The following AQR variants were observed in gnomAD, a reference collection of about 807,000 sequenced individuals.
The protein encoded by AQR is aquarius intron-binding spliceosomal factor, also known as RNA helicase aquarius.
In AQR, 61 loss-of-function variants were observed where a neutral mutation model predicts 180.5. That is an observed-to-expected ratio of 0.34 (90% confidence interval 0.28 to 0.42). The LOEUF is 0.42. AQR is among the 10% of genes least tolerant of loss of function. AQR has a pLI of 1.00. For synonymous variants in AQR, 551 were observed against 588.8 expected (o/e 0.94, Z 0.93); for missense variants, 1,281 against 1,798.3 (o/e 0.71, Z 5.20).
chr15:34,963,661 C>CTTTTTTTTTCTTTTT (rs1566793151), intron 2 of AQR, among the ~76,000 whole-genome samples: 31 of 148,672 alleles, frequency 2.1e-4, no homozygotes, highest in African/African-American at 7.3e-4. Context: ...TACACGTACA[C>CTTTTTTTTTCTTTTT]TTTTTTTTTT....
At position 34,890,277 on chromosome 15, in the gene AQR, C is replaced by T. The variant is rs748836733; in HGVS notation, c.2619G>A (p.Glu873=). ...FEKIMALDID[E]RHLLRLGHGE... ...CATGACCAAGACGCAGTAGGTGGCG[C>T]TCATCAATGTCTAATGCCATGATTT... Residue 873 remains glutamate (E), a synonymous_variant, in exon 24 of 35, where the codon GAG becomes GAA. Transcript: ENST00000156471. 11 of 1,613,568 alleles carry T rather than the reference C, an allele frequency of 6.8e-6. No individual in the cohort carries two copies. The East Asian group carries it at 2.0e-4, about 29-fold the overall frequency.
intron 1 of AQR, among the ~76,000 whole-genome samples, chr15:34,969,110 CA>C (rs2050329316): frequency 6.6e-6 from 1 of 152,106 alleles, no homozygotes; most frequent in Admixed American, 6.5e-5. Context: ...CATCGCTGCT[CA>C]AAAACTCAGG....
intron 3 of AQR, among the ~76,000 whole-genome samples, chr15:34,957,104 T>C (rs965434393): frequency 5.9e-5 from 9 of 152,110 alleles, no homozygotes; most frequent in Non-Finnish European, 1.2e-4. Flanking sequence ...CGTGAGCACA[T>C]AGCTCAGCAA....
In AQR at chr15:34,870,780, T is replaced by C. The variant is rs1892805507; in HGVS notation, c.3740A>G (p.Asn1247Ser). 6.2e-7 allele frequency: 1 copy of C among 1,612,398 alleles called. No individual in the cohort carries two copies. The highest frequency in any genetic ancestry group is 8.5e-7 in the Non-Finnish European group (1 of 1,179,356). The stretch of plus-strand genomic sequence containing the variant: ...GTTTGGTCTTCCAATCAATGGATTG[T>C]TTCCACATCGTCTATTGATGATGTC... Reference protein sequence around the residue: ...IRDIINRRCGNNPLIGRPNKV... With the variant: ...IRDIINRRCGSNPLIGRPNKV... Residue 1247 changes from asparagine to serine, a missense_variant, in exon 31 of 35, where the codon AAC (asparagine) becomes AGC (serine). Asn to Ser is a conservative substitution (Grantham distance 46). Around this residue, in one of 9 missense-constraint regions of AQR, gnomAD observed 197 missense variants for 320.7 expected, o/e 0.61. Transcript: ENST00000156471.
chr15:34,931,191 T>C (rs1893854026), intron 11 of AQR, among the ~76,000 whole-genome samples: 1 of 152,130 alleles, frequency 6.6e-6, no homozygotes, highest in Admixed American at 6.5e-5. Context: ...TTATTCTTTT[T>C]TCTCCATGGC....
chr15:34,905,763 AT>A (rs1025909414), intron 18 of AQR, among the ~76,000 whole-genome samples: 56 of 152,090 alleles, frequency 3.7e-4, no homozygotes, highest in African/African-American at 1.3e-3. Context: ...CTTAAAAAAA[AT>A]ATGGTAAAGT....
intron 12 of AQR, among the ~76,000 whole-genome samples, 163 bp from the exon 13 acceptor site, chr15:34,927,301 AAAAAGAG>A (rs1250861402): frequency 6.6e-6 from 1 of 152,176 alleles, no homozygotes; most frequent in African/African-American, 2.4e-5. Context: ...AGCATATAAT[AAAAAGAG>A]AAAAAACTAC....
chr15:34,910,307 A>C lies in AQR; in HGVS notation c.1491T>G (p.Ser497=). Residue 497 remains serine, a synonymous_variant, in exon 17 of 35, where the codon TCT becomes TCG. Transcript: ENST00000156471. ...DSVSRMKPWQ[S]EYGGVVFGGW... ...CACCAAACACTACACCGCCATATTC[A>C]GATTGCCTGAAACCAAAGAAATGGA... 6.2e-7 allele frequency: 1 copy of C among 1,611,520 alleles called. No individual in the cohort carries two copies. Among genetic ancestry groups the C allele is most frequent in the African/African-American group, 1.3e-5 (1 of 75,012 alleles).
chr15:34,885,284 C>A (rs1354717972), intron 25 of AQR, among the ~76,000 whole-genome samples: 1 of 152,130 alleles, frequency 6.6e-6, no homozygotes, highest in Admixed American at 6.6e-5. Flanking sequence ...AGTTCAATTA[C>A]TTTGTATAAT....
chr15:34,958,984 T>C (rs1037413588), intron 3 of AQR, among the ~76,000 whole-genome samples: 3 of 12,878 alleles, frequency 2.3e-4, no homozygotes, highest in African/African-American at 3.7e-4. Flanking sequence ...TATATAGATA[T>C]AGATATAGAT....
chr15:34,958,579 G>A (rs747879720), intron 3 of AQR, among the ~76,000 whole-genome samples: 3 of 152,158 alleles, frequency 2.0e-5, no homozygotes, highest in African/African-American at 4.8e-5. Flanking sequence ...GCAGCCAAAT[G>A]TATATGGCTT....
At chr15:34,950,084 C>CTTTTTTTTTTTTT (rs1174370425) in intron 4 of AQR, among the ~76,000 whole-genome samples, 7 of 74,058 alleles carry the variant, frequency 9.5e-5, no homozygotes, top group Non-Finnish European at 1.4e-4. Context: ...TGCTATTTTC[C>CTTTTTTTTTTTTT]TTTTTTTTTT....
At chr15:34,930,147 T>C in intron 12 of AQR, 111 bp downstream of exon 12, 1 of 576,456 alleles carries the variant, frequency 1.7e-6, no homozygotes. Flanking sequence ...ATGTTGAATA[T>C]AAAAACACTA....
At chr15:34,916,449 AAAAAT>A (rs1331013481) in intron 15 of AQR, among the ~76,000 whole-genome samples, 1 of 152,212 alleles carries the variant, frequency 6.6e-6, no homozygotes, top group Non-Finnish European at 1.5e-5. Context: ...TACCAAAAAA[AAAAAT>A]AAACTTAAAT....
rs894581344 is a variant in AQR at position 34,932,439 on chromosome 15, GA to G, written c.784-6del. On this transcript the variant is annotated splice_polypyrimidine_tract_variant and splice_region_variant and intron_variant, in intron 10 of 34. Transcript: ENST00000156471. ...GCGCCTTGTGGGTAGCAGGGCCTGG[GA>G]AAAACAAACATCATAACAGTAAGTT... 2.6e-6 allele frequency: 4 copies of G among 1,564,346 alleles called. No homozygotes were observed. In the African/African-American group the frequency reaches 4.1e-5, roughly 16 times the overall value.
At chr15:34,906,835 T>A in intron 17 of AQR, 123 bp from the exon 18 acceptor site, 2 of 854,756 alleles carry the variant, frequency 2.3e-6, no homozygotes, top group Non-Finnish European at 3.5e-6. Flanking sequence ...GAGTGACCAA[T>A]GATTATTATC....
intron 30 of AQR, among the ~76,000 whole-genome samples, chr15:34,873,395 T>TAA (rs1204537943): frequency 6.6e-6 from 1 of 152,204 alleles, no homozygotes; most frequent in Non-Finnish European, 1.5e-5. Context: ...TTATACTTGT[T>TAA]ATAAAATATG....
intron 12 of AQR, 26 bp downstream of exon 12, chr15:34,930,232 C>A (rs1186606855): frequency 2.1e-6 from 3 of 1,414,194 alleles, no homozygotes; most frequent in Non-Finnish European, 3.0e-6. Flanking sequence ...ATGGAGCATA[C>A]ACAGTCTATA....
chr15:34,886,146 T>G (rs1325497863), intron 25 of AQR, among the ~76,000 whole-genome samples: 1 of 152,202 alleles, frequency 6.6e-6, no homozygotes, highest in East Asian at 1.9e-4. Flanking sequence ...AATGTTTTCC[T>G]TCATTAGTTG....
Sources: gnomAD v4.1 joint callset for allele counts (sites outside exome capture counted in the v4.1 genomes callset) on GRCh38, gnomAD v4.1.1 for gene constraint, gnomAD v4.1.1 regional missense constraint, MANE v1.5 for transcripts, NCBI Gene and HGNC (gene_info 2026-07-23, HGNC 2026-07-21) for gene names.